Variants in EPX observed in about 807,000 individuals in gnomAD.
EPX encodes the protein eosinophil peroxidase.
EPX carries 60 observed loss-of-function variants against 73.0 expected under a neutral mutation model. The ratio of observed to expected loss-of-function variants is 0.82; its 90% confidence interval spans 0.67 to 1.02. The LOEUF (loss-of-function observed/expected upper bound fraction) is 1.02, where lower values mean the gene tolerates loss of function less well. EPX is among the 50% of genes least tolerant of loss of function. The probability of loss-of-function intolerance (pLI) is 0.00; values close to 1 mark genes in which losing one functional copy is unlikely to be tolerated. For missense variants in EPX, 950 were observed against 973.9 expected, an observed-to-expected ratio of 0.98 and a Z score of 0.33; for synonymous variants, 347 against 389.2, an observed-to-expected ratio of 0.89 and a Z score of 1.28.
chr17:58,194,217 A>G, intron 5 of EPX, 125 bp downstream of exon 5: 1 of 962,024 alleles, frequency 1.0e-6, no homozygotes, highest in Non-Finnish European at 1.6e-6. Flanking sequence ...CAGTGACTTG[A>G]GGCAAATAAC....
Position 58,193,952 on chromosome 17 carries a change from C to T in EPX, c.465-11C>T. On this transcript the variant is annotated splice_polypyrimidine_tract_variant and intron_variant, in intron 4 of 12. Transcript: ENST00000225371. Reference sequence around the variant, plus strand: ...CTGCCCCCTGCTAACCTATCCCACCCATGGCTGCAGGAGGAGACCCTTGCT... The same window carrying T: ...CTGCCCCCTGCTAACCTATCCCACCTATGGCTGCAGGAGGAGACCCTTGCT... 1 of 1,612,906 alleles carries T rather than the reference C, an allele frequency of 6.2e-7. No individual in the cohort carries two copies. Among genetic ancestry groups the T allele is most frequent in the Non-Finnish European group, 8.5e-7 (1 of 1,179,984 alleles).
At chr17:58,198,862 T>A in intron 7 of EPX, among the ~76,000 whole-genome samples, 178 bp from the exon 8 acceptor site, 1 of 152,076 alleles carries the variant, frequency 6.6e-6, no homozygotes, top group East Asian at 1.9e-4. Context: ...TCCTGGCCTG[T>A]GGTGTTAGGG....
Position 58,199,068 on chromosome 17 carries a change from A to C in EPX, c.1149A>C (p.Lys383Asn). ...AGDTRSTETP[K>N]LAAMHTLFMR... ...ACACCCGATCAACGGAAACCCCCAA[A>C]CTGGCAGCCATGCACACCCTCTTTA... The change falls in exon 8 of 13, where the codon AAA (lysine) becomes AAC (asparagine). Residue 383 changes from lysine to asparagine, a missense_variant. Transcript: ENST00000225371. 1 of 1,614,088 alleles carries C rather than the reference A, an allele frequency of 6.2e-7. No individual in the cohort carries two copies. The highest frequency in any genetic ancestry group is 8.5e-7 in the Non-Finnish European group (1 of 1,180,032).
At chr17:58,201,535 C>CTGGGTA (rs1213791820) in intron 10 of EPX, among the ~76,000 whole-genome samples, 3 of 152,240 alleles carry the variant, frequency 2.0e-5, no homozygotes, top group Non-Finnish European at 4.4e-5. Context: ...AGCTGGGGTA[C>CTGGGTA]TGGGTATGGG....
chr17:58,194,491 C>T (rs565303755), intron 5 of EPX, among the ~76,000 whole-genome samples: 1 of 152,234 alleles, frequency 6.6e-6, no homozygotes, highest in African/African-American at 2.4e-5. Context: ...ATTGATATAT[C>T]GATAGAGCAG....
In EPX at chr17:58,199,677, C is replaced by T; in HGVS notation, c.1420C>T (p.His474Tyr). Residue 474 changes from histidine to tyrosine, a missense_variant, in exon 9 of 13, where the codon CAC (histidine) becomes TAC (tyrosine). Coordinates refer to ENST00000225371, the MANE Select transcript of EPX (RefSeq NM_000502.6). Reference protein sequence around the residue: ...NVFTLAFRFGHTMLQPFMFRL... With the variant: ...NVFTLAFRFGYTMLQPFMFRL... ...CTTCACCCTGGCCTTCCGCTTTGGC[C>T]ACACAATGCTCCAGCCCTTCATGTT... 1 of 1,614,270 alleles carries T rather than the reference C, an allele frequency of 6.2e-7. No individual in the cohort carries two copies. Among genetic ancestry groups the T allele is most frequent in the South Asian group, 1.1e-5 (1 of 91,090 alleles).
At chr17:58,193,194 C>A in intron 2 of EPX, 63 bp downstream of exon 2, 14 of 1,324,786 alleles carry the variant, frequency 1.1e-5, no homozygotes, top group Non-Finnish European at 1.4e-5. Context: ...GGGCCCCAGC[C>A]AAGTTCATCT....
In EPX at chr17:58,199,811, G is replaced by T. The variant is rs762317706; in HGVS notation, c.1537+17G>T. 3 of 1,608,656 alleles carry T rather than the reference G, an allele frequency of 1.9e-6. No homozygotes were observed. The highest frequency in any genetic ancestry group is 2.2e-5 in the East Asian group (1 of 44,774). On this transcript the variant is annotated intron_variant, in intron 9 of 12. Coordinates refer to ENST00000225371, the MANE Select transcript of EPX (RefSeq NM_000502.6). ...TGTATGAAGGTGACCAGGTTTTCCA[G>T]GGGGCAAATGGGGGTGAGGGTGGGG...
At position 58,197,169 on chromosome 17, in the gene EPX, C is replaced by A. The variant is rs775290101; in HGVS notation, c.1032C>A (p.Asn344Lys). 8.7e-6 allele frequency: 14 copies of A among 1,614,076 alleles called. No homozygotes were observed. The highest frequency in any genetic ancestry group is 2.7e-5 in the African/African-American group (2 of 75,050). Residue 344 changes from asparagine to lysine, a missense_variant, in exon 7 of 13, where the codon AAC (asparagine) becomes AAA (lysine). By Grantham distance (94) the Asn-to-Lys change is moderately conservative (BLOSUM62 0). Coordinates refer to ENST00000225371, the MANE Select transcript of EPX (RefSeq NM_000502.6). Reference sequence around the variant, plus strand: ...CCATCAACCAGCGCTTTCAAGACAACGGCCGGGCCCTGCTGCCCTTCGACA... The same window carrying A: ...CCATCAACCAGCGCTTTCAAGACAAAGGCCGGGCCCTGCTGCCCTTCGACA... ...LLAINQRFQD[N>K]GRALLPFDNL... is the part of the protein sequence containing the mutation.
At chr17:58,195,567 G>A (rs1362243138) in intron 6 of EPX, among the ~76,000 whole-genome samples, 1 of 152,158 alleles carries the variant, frequency 6.6e-6, no homozygotes, top group African/African-American at 2.4e-5. Context: ...GGCTTGGGCT[G>A]TAAGTAGGGT....
Position 58,192,896 on chromosome 17 carries a change from C to T in EPX, c.50C>T (p.Ala17Val), listed in dbSNP as rs770427538. The T allele has an allele frequency of 1.2e-6, 2 of 1,614,142 alleles. No individual in the cohort carries two copies. The highest frequency in any genetic ancestry group is 1.7e-5 in the Admixed American group (1 of 60,036). ...LAGVLATLVLAQPCEGTDPAS... is the reference protein window; with the variant it reads ...LAGVLATLVLVQPCEGTDPAS... ...GGGGTCCTGGCCACACTCGTCCTCGCCCAGCCCTGTGAGGGCACTGACCCA... is the reference window on the plus strand; with the variant it reads ...GGGGTCCTGGCCACACTCGTCCTCGTCCAGCCCTGTGAGGGCACTGACCCA... Residue 17 changes from alanine to valine, a missense_variant, in exon 1 of 13, where the codon GCC becomes GTC. By Grantham distance (64) the Ala-to-Val change is moderately conservative (BLOSUM62 0). Coordinates refer to ENST00000225371, the MANE Select transcript of EPX (RefSeq NM_000502.6).
At chr17:58,202,218 G>A in intron 10 of EPX, 1 of 152,472 alleles carries the variant, frequency 6.6e-6, no homozygotes, top group East Asian at 1.9e-4. Context: ...GTGTGTGTGA[G>A]CTGTAGTTCA....
At chr17:58,193,153 G>A in intron 2 of EPX, 22 bp downstream of exon 2, 2 of 1,538,622 alleles carry the variant, frequency 1.3e-6, no homozygotes, top group Non-Finnish European at 1.8e-6. Flanking sequence ...TCTGGGGGCT[G>A]CATGGGCCTG....
intron 12 of EPX, 85 bp from the exon 13 acceptor site, chr17:58,204,651 C>A: frequency 1.7e-6 from 1 of 576,808 alleles, no homozygotes; most frequent in Non-Finnish European, 3.1e-6. Context: ...CAACTATCCT[C>A]AGCTTGGTCA....
intron 7 of EPX, among the ~76,000 whole-genome samples, chr17:58,198,253 C>T (rs1968289117): frequency 6.6e-6 from 1 of 151,164 alleles, no homozygotes; most frequent in South Asian, 2.1e-4. Context: ...GAATCATGCG[C>T]CCAAGAGCAC....
chr17:58,203,537 A>C (rs1380624180), intron 11 of EPX, among the ~76,000 whole-genome samples: 2 of 152,144 alleles, frequency 1.3e-5, no homozygotes, highest in African/African-American at 4.8e-5. Context: ...AGTCATCTTA[A>C]ACCCAGAGGT....
chr17:58,199,273 G>A (rs982145482), intron 8 of EPX, 73 bp downstream of exon 8: 1 of 1,507,046 alleles, frequency 6.6e-7, no homozygotes, highest in African/African-American at 1.4e-5. Flanking sequence ...ACACATCCTT[G>A]CGGATGTGCC....
chr17:58,204,757 C>T lies in EPX; in HGVS notation c.*33C>T, dbSNP rs1210017187. 5.8e-5 allele frequency: 18 copies of T among 310,574 alleles called. No individual in the cohort carries two copies. Among genetic ancestry groups the T allele is most frequent in the Non-Finnish European group, 1.0e-4 (17 of 162,374 alleles). 19.2% of individuals were successfully genotyped at this position (310,574 alleles called of 1,614,324 possible). On this transcript the variant is annotated 3_prime_UTR_variant, in exon 13 of 13. Coordinates refer to ENST00000225371, the MANE Select transcript of EPX (RefSeq NM_000502.6). ...ACAGGAGTCTATCCCAAGTCTCCAA[C>T]TTTTGGAGACAAGGGGAAGGGGAGG...
At chr17:58,202,882 C>A in intron 10 of EPX, 199 bp from the exon 11 acceptor site, 1 of 627,620 alleles carries the variant, frequency 1.6e-6, no homozygotes, top group Admixed American at 2.4e-5. Flanking sequence ...GCACACTGAG[C>A]ACAGTTGTCC....
Sources: gnomAD v4.1 joint callset for allele counts (sites outside exome capture counted in the v4.1 genomes callset) on GRCh38, gnomAD v4.1.1 for gene constraint, MANE v1.5 for transcripts, NCBI Gene and HGNC (gene_info 2026-07-23, HGNC 2026-07-21) for gene names.